Variants in CLNS1A observed in about 807,000 individuals in gnomAD.
CLNS1A encodes chloride nucleotide-sensitive channel 1A, also known as methylosome subunit pICln.
A neutral mutation model predicts 29.4 loss-of-function variants in CLNS1A; 16 were observed. That is an observed-to-expected ratio of 0.54 (90% CI 0.37 to 0.83). The LOEUF (loss-of-function observed/expected upper bound fraction) is 0.83, where lower values mean the gene tolerates loss of function less well. Ranked by LOEUF, CLNS1A falls within the 40% of genes least tolerant of loss-of-function variation. The probability of loss-of-function intolerance (pLI) is 0.00; values close to 1 mark genes in which losing one functional copy is unlikely to be tolerated. For synonymous variants in CLNS1A, 96 were observed against 104.8 expected (o/e 0.92, Z 0.51); for missense variants, 235 against 287.4 (o/e 0.82, Z 1.32).
chr11:77,623,489 G>A (rs1016430903), intron 4 of CLNS1A, among the ~76,000 whole-genome samples: 6 of 151,966 alleles, frequency 3.9e-5, no homozygotes, highest in African/African-American at 1.5e-4. Flanking sequence ...AGCTAATCGG[G>A]AGACTGGGGT....
intron 1 of CLNS1A, among the ~76,000 whole-genome samples, chr11:77,631,406 C>T (rs1018715497): frequency 1.3e-5 from 2 of 151,176 alleles, no homozygotes; most frequent in South Asian, 2.1e-4. Flanking sequence ...CTGCAAGCTC[C>T]GCCTCTCGGG....
chr11:77,628,279 C>T (rs1044242785), intron 2 of CLNS1A, among the ~76,000 whole-genome samples: 4 of 152,182 alleles, frequency 2.6e-5, no homozygotes, highest in Non-Finnish European at 4.4e-5. Flanking sequence ...AGTTGACTGA[C>T]AAGAGCAAGG....
chr11:77,622,487 A>G lies in CLNS1A; in HGVS notation c.646+13T>C, dbSNP rs750932416. On this transcript the variant is annotated intron_variant, in intron 5 of 6. Transcript: ENST00000525428. ...TGCTCATCTGACTGTTCACACTGCAAAAGGACACTCACCTTCATAATCTCT... is the reference window on the plus strand; with the variant it reads ...TGCTCATCTGACTGTTCACACTGCAGAAGGACACTCACCTTCATAATCTCT... 2.9e-5 allele frequency: 46 copies of G among 1,571,690 alleles called. No homozygotes were observed. Among genetic ancestry groups the G allele is most frequent in the Non-Finnish European group, 3.8e-5 (44 of 1,162,548 alleles).
intron 2 of CLNS1A, among the ~76,000 whole-genome samples, 175 bp from the exon 3 acceptor site, chr11:77,625,993 C>T (rs1189831902): frequency 6.6e-6 from 1 of 152,098 alleles, no homozygotes; most frequent in Admixed American, 6.6e-5. Context: ...AGCCTTGCCT[C>T]GATCTCCTGA....
At chr11:77,622,130 T>C (rs1284371372) in intron 5 of CLNS1A, 1 of 456,358 alleles carries the variant, frequency 2.2e-6, no homozygotes, top group Non-Finnish European at 4.4e-6. Flanking sequence ...TAAAATTCTA[T>C]TGTTTGAGCC....
chr11:77,622,300 A>C (rs1217068511), intron 5 of CLNS1A, among the ~76,000 whole-genome samples, 200 bp downstream of exon 5: 1 of 152,184 alleles, frequency 6.6e-6, no homozygotes, highest in Non-Finnish European at 1.5e-5. Flanking sequence ...ACTATGAACA[A>C]AGACTTTTTT....
At chr11:77,631,463 G>C (rs1590802948) in intron 1 of CLNS1A, among the ~76,000 whole-genome samples, 1 of 150,180 alleles carries the variant, frequency 6.7e-6, no homozygotes, top group East Asian at 2.0e-4. Context: ...TGGGACTACA[G>C]GCGCCCGCCA....
At chr11:77,628,187 T>G (rs751711638) in intron 2 of CLNS1A, among the ~76,000 whole-genome samples, 2 of 152,238 alleles carry the variant, frequency 1.3e-5, no homozygotes, top group Non-Finnish European at 2.9e-5. Flanking sequence ...TAAATGCTAT[T>G]TCCTAAGCCT....
At chr11:77,626,160 C>T (rs1431990781) in intron 2 of CLNS1A, among the ~76,000 whole-genome samples, 1 of 152,182 alleles carries the variant, frequency 6.6e-6, no homozygotes, top group East Asian at 1.9e-4. Context: ...GTTGCCCAGA[C>T]TGGACACCCT....
intron 6 of CLNS1A, among the ~76,000 whole-genome samples, chr11:77,617,321 T>G (rs951740385): frequency 1.4e-5 from 2 of 139,388 alleles, no homozygotes; most frequent in Non-Finnish European, 3.0e-5. Context: ...GTGAGCCGAT[T>G]GCACCATTGC....
At chr11:77,637,234 T>C (rs1477762354) in intron 1 of CLNS1A, among the ~76,000 whole-genome samples, 4 of 32,664 alleles carry the variant, frequency 1.2e-4, no homozygotes, top group African/African-American at 4.0e-4. Flanking sequence ...CTCCAGTAAA[T>C]AGGCGAGTTA....
At chr11:77,630,054 T>C (rs932984639) in intron 1 of CLNS1A, among the ~76,000 whole-genome samples, 155 bp from the exon 2 acceptor site, 2 of 152,222 alleles carry the variant, frequency 1.3e-5, no homozygotes, top group African/African-American at 4.8e-5. Flanking sequence ...AATTCAGTAG[T>C]GGAAACTGAG....
At chr11:77,620,458 A>G (rs1958945622) in intron 5 of CLNS1A, among the ~76,000 whole-genome samples, 1 of 152,202 alleles carries the variant, frequency 6.6e-6, no homozygotes. Context: ...AGTCTTGAGT[A>G]TGTCTTTATC....
At chr11:77,621,517 G>A (rs925726734) in intron 5 of CLNS1A, among the ~76,000 whole-genome samples, 6 of 151,850 alleles carry the variant, frequency 4.0e-5, no homozygotes, top group Non-Finnish European at 5.9e-5. Context: ...GGTGGCAGGC[G>A]CCAGTACCCC....
chr11:77,625,660 T>A, intron 3 of CLNS1A, 57 bp downstream of exon 3: 1 of 1,454,742 alleles, frequency 6.9e-7, no homozygotes, highest in East Asian at 2.3e-5. Context: ...TGTGTGTGTG[T>A]CAATTGGGAA....
At chr11:77,637,205 G>C (rs76619612) in intron 1 of CLNS1A, among the ~76,000 whole-genome samples, 1,402 of 125,836 alleles carry the variant, frequency 0.011, 24 homozygotes, top group African/African-American at 0.04. Flanking sequence ...GTGCGTTAAG[G>C]GCAACGCACG....
rs1958903846 is a variant in CLNS1A at position 77,616,104 on chromosome 11, T to TA, written c.*613dup. ...TCTCATATTTGCCAGCATTATTTTT[T>TA]AAAAAACATTTCTCATTAATGGTTT... On this transcript the variant is annotated 3_prime_UTR_variant, in exon 7 of 7. Transcript: ENST00000525428. The TA allele has an allele frequency of 6.7e-6, 1 of 149,574 alleles. No individual in the cohort carries two copies. Among genetic ancestry groups the TA allele is most frequent in the African/African-American group, 2.5e-5 (1 of 40,144 alleles). 9.3% of individuals were successfully genotyped at this position (149,574 alleles called of 1,614,324 possible).
At chr11:77,629,963 A>G in intron 1 of CLNS1A, 64 bp from the exon 2 acceptor site, 1 of 1,502,774 alleles carries the variant, frequency 6.7e-7, no homozygotes, top group South Asian at 1.2e-5. Flanking sequence ...ACCACAAAGT[A>G]TATAAAAGTT....
chr11:77,626,602 G>A (rs947197579), intron 2 of CLNS1A, among the ~76,000 whole-genome samples: 10 of 151,188 alleles, frequency 6.6e-5, no homozygotes, highest in South Asian at 2.1e-4. Context: ...TCACAGCATC[G>A]CACTCCAGCC....
Sources: gnomAD v4.1 joint callset for allele counts (sites outside exome capture counted in the v4.1 genomes callset) on GRCh38, gnomAD v4.1.1 for gene constraint, MANE v1.5 for transcripts, NCBI Gene and HGNC (gene_info 2026-07-23, HGNC 2026-07-21) for gene names.